The following PPP6R3 variants were observed in gnomAD, a reference collection of about 807,000 sequenced individuals.
The protein encoded by PPP6R3 is protein phosphatase 6 regulatory subunit 3.
In PPP6R3, 38 loss-of-function variants were observed where a neutral mutation model predicts 110.7. The observed-to-expected ratio is 0.34, with a 90% CI of 0.26 to 0.45. The LOEUF (loss-of-function observed/expected upper bound fraction) is 0.45. PPP6R3 is among the 20% of genes least tolerant of loss of function. The probability of loss-of-function intolerance (pLI) is 1.00; values close to 1 mark genes in which losing one functional copy is unlikely to be tolerated. For synonymous variants in PPP6R3, 369 were observed against 373.5 expected, an observed-to-expected ratio of 0.99 and a Z score of 0.14; for missense variants, 870 against 1,062.4, an observed-to-expected ratio of 0.82 and a Z score of 2.52.
intron 1 of PPP6R3, among the ~76,000 whole-genome samples, chr11:68,496,453 G>C (rs567692337): frequency 3.9e-5 from 6 of 152,078 alleles, no homozygotes; most frequent in Middle Eastern, 3.4e-3. Flanking sequence ...TGGGACTGTA[G>C]ATGTGTGCCA....
chr11:68,474,204 C>A (rs1219135500), intron 1 of PPP6R3, among the ~76,000 whole-genome samples: 1 of 152,134 alleles, frequency 6.6e-6, no homozygotes, highest in Non-Finnish European at 1.5e-5. Flanking sequence ...ACCACCATGC[C>A]TGGCTAATTT....
At chr11:68,609,861 G>A (rs1434060012) in intron 22 of PPP6R3, 43 bp from the exon 23 acceptor site, 2 of 1,611,746 alleles carry the variant, frequency 1.2e-6, no homozygotes, top group Non-Finnish European at 1.7e-6. Context: ...CTAGGTGCTG[G>A]TCCCTAGGGT....
intron 2 of PPP6R3, among the ~76,000 whole-genome samples, chr11:68,527,284 C>T (rs535400312): frequency 1.9e-4 from 29 of 152,250 alleles, no homozygotes; most frequent in African/African-American, 7.0e-4. Context: ...TTTTCTGCTC[C>T]GGTGGGCCCC....
At chr11:68,511,977 A>G (rs953952229) in intron 1 of PPP6R3, among the ~76,000 whole-genome samples, 15 of 151,968 alleles carry the variant, frequency 9.9e-5, no homozygotes, top group African/African-American at 3.1e-4. Flanking sequence ...TGGATCTCCT[A>G]TTCCTGTGTT....
intron 1 of PPP6R3, among the ~76,000 whole-genome samples, chr11:68,518,147 C>T (rs990809660): frequency 5.3e-5 from 8 of 152,042 alleles, no homozygotes; most frequent in African/African-American, 1.2e-4. Flanking sequence ...ACTGGATGAA[C>T]GTTGTAAGAA....
At chr11:68,494,171 T>C (rs2099001455) in intron 1 of PPP6R3, among the ~76,000 whole-genome samples, 1 of 150,804 alleles carries the variant, frequency 6.6e-6, no homozygotes, top group Admixed American at 6.6e-5. Flanking sequence ...AAAGGATGAA[T>C]GCTTGATGTG....
At chr11:68,564,920 G>GT (rs1565878830) in intron 9 of PPP6R3, among the ~76,000 whole-genome samples, 2 of 152,164 alleles carry the variant, frequency 1.3e-5, no homozygotes, top group Non-Finnish European at 2.9e-5. Flanking sequence ...TTAAATGACT[G>GT]TTTCCTCAGT....
chr11:68,538,789 A>G (rs566818538), intron 3 of PPP6R3, among the ~76,000 whole-genome samples: 1 of 152,314 alleles, frequency 6.6e-6, no homozygotes, highest in South Asian at 2.1e-4. Flanking sequence ...CTTTGCATTT[A>G]GTGAAAGCCT....
chr11:68,463,504 A>ATT, intron 1 of PPP6R3, among the ~76,000 whole-genome samples: 1 of 151,822 alleles, frequency 6.6e-6, no homozygotes, highest in Non-Finnish European at 1.5e-5. Context: ...TATTTTCAGT[A>ATT]TTTGAGAGGC....
chr11:68,602,932 C>G (rs2099636117), intron 21 of PPP6R3, among the ~76,000 whole-genome samples: 2 of 152,148 alleles, frequency 1.3e-5, no homozygotes, highest in African/African-American at 2.4e-5. Flanking sequence ...AGCAACACCA[C>G]AAGAAAGTAA....
At chr11:68,470,480 G>A (rs75950262) in intron 1 of PPP6R3, among the ~76,000 whole-genome samples, 2,073 of 152,164 alleles carry the variant, frequency 0.014, 57 homozygotes, top group African/African-American at 0.047. Flanking sequence ...TGGGGGAGAT[G>A]GGGGGAGGGC....
In PPP6R3 at chr11:68,574,193, C is replaced by T. The variant is rs114505709; in HGVS notation, c.1428C>T (p.Pro476=). 21 of 1,613,782 alleles carry T rather than the reference C, an allele frequency of 1.3e-5. No homozygotes were observed. Among genetic ancestry groups the T allele is most frequent in the Non-Finnish European group, 1.6e-5 (19 of 1,179,834 alleles). The part of the protein sequence containing the change: ...NCIVHSTDKG[P]NSALVQQLIK... ...TCGTGCACAGCACTGACAAGGGCCC[C>T]AACAGTGCATTAGTGCAGCAGCTTA... Residue 476 remains proline, a synonymous_variant, in exon 13 of 24, where the codon CCC becomes CCT. Coordinates refer to ENST00000393800, the MANE Select transcript of PPP6R3 (RefSeq NM_001164161.2).
intron 1 of PPP6R3, among the ~76,000 whole-genome samples, chr11:68,476,554 A>G (rs1346691628): frequency 6.6e-6 from 1 of 152,208 alleles, no homozygotes; most frequent in Non-Finnish European, 1.5e-5. Flanking sequence ...TTATATGTAC[A>G]TACATATCTA....
At chr11:68,611,184 A>G (rs143669706) in intron 23 of PPP6R3, among the ~76,000 whole-genome samples, 4 of 152,226 alleles carry the variant, frequency 2.6e-5, no homozygotes, top group East Asian at 1.9e-4. Context: ...TGGGGTTTCA[A>G]TGTATTTTTT....
chr11:68,467,104 A>G (rs888196997), intron 1 of PPP6R3, among the ~76,000 whole-genome samples: 9 of 152,246 alleles, frequency 5.9e-5, no homozygotes, highest in South Asian at 2.1e-4. Context: ...AGTAGAGGCT[A>G]TTTACTAATT....
chr11:68,603,217 G>A (rs1488498777), intron 21 of PPP6R3, 125 bp from the exon 22 acceptor site: 12 of 1,246,786 alleles, frequency 9.6e-6, no homozygotes, highest in African/African-American at 3.0e-5. Flanking sequence ...GCAGGCAGAA[G>A]CCATCTCACT....
chr11:68,568,411 T>C (rs2099487977), intron 10 of PPP6R3, among the ~76,000 whole-genome samples: 1 of 152,208 alleles, frequency 6.6e-6, no homozygotes, highest in Non-Finnish European at 1.5e-5. Flanking sequence ...GAGTTACTCA[T>C]TACTTCTTCA....
chr11:68,472,302 T>G (rs1371515820), intron 1 of PPP6R3, among the ~76,000 whole-genome samples: 1 of 152,234 alleles, frequency 6.6e-6, no homozygotes, highest in Non-Finnish European at 1.5e-5. Flanking sequence ...CCTTCTTCAC[T>G]TCTCTGTTAC....
intron 23 of PPP6R3, among the ~76,000 whole-genome samples, chr11:68,610,859 T>TC (rs1250995033): frequency 2.8e-5 from 2 of 71,366 alleles, no homozygotes; most frequent in Admixed American, 3.4e-4. Flanking sequence ...CACCCCATCC[T>TC]CCCCCAAATC....
Sources: allele counts gnomAD v4.1 joint callset (sites outside exome capture counted in the v4.1 genomes callset), GRCh38; gene constraint gnomAD v4.1.1; transcripts MANE v1.5; gene names NCBI Gene and HGNC (gene_info 2026-07-23, HGNC 2026-07-21).